Variants in CCDC192 observed in about 807,000 individuals in gnomAD.
CCDC192 encodes coiled-coil domain-containing protein 192.
intron 6 of CCDC192, among the ~76,000 whole-genome samples, chr5:127,891,650 A>G (rs1290352743): frequency 6.6e-6 from 1 of 152,156 alleles, no homozygotes; most frequent in African/African-American, 2.4e-5. Context: ...ACATGTTGGT[A>G]TTTCACATCT....
At chr5:127,772,022 G>A (rs367766433) in intron 3 of CCDC192, among the ~76,000 whole-genome samples, 3 of 152,252 alleles carry the variant, frequency 2.0e-5, no homozygotes, top group East Asian at 1.9e-4. Flanking sequence ...GCCTCAGTGC[G>A]CATTTCTTCC....
In CCDC192 at chr5:127,703,449, G is replaced by A; in HGVS notation, c.4G>A (p.Gly2Arg). The stretch of plus-strand genomic sequence containing the variant: ...ATCCCAGTGGGTCTGGCTTGAGATG[G>A]GACAATGCTATAGCAAGAAATCTGT... M[G>R]QCYSKKSVVP... is the part of the protein sequence containing the mutation. The change falls in exon 1 of 7, where the codon GGA (glycine) becomes AGA (arginine). Residue 2 changes from glycine (G) to arginine (R), a missense_variant. Transcript: ENST00000514853. The A allele has an allele frequency of 2.5e-6, 1 of 398,970 alleles. No individual in the cohort carries two copies. The highest frequency in any genetic ancestry group is 4.4e-6 in the Non-Finnish European group (1 of 226,064). The allele number at this position is 398,970 out of a possible 1,614,324, so 24.7% of individuals were successfully genotyped here. A position where few individuals can be genotyped will look rare whatever the true frequency, so the allele number is the denominator to read the frequency against.
At chr5:127,864,861 A>G (rs1751534298) in intron 5 of CCDC192, among the ~76,000 whole-genome samples, 1 of 152,212 alleles carries the variant, frequency 6.6e-6, no homozygotes, top group Non-Finnish European at 1.5e-5. Flanking sequence ...ATAACTATAT[A>G]TAATGGCTGG....
rs896877606 is a variant in CCDC192, at chr5:127,918,479, T to A, written c.536-22703T>A. The stretch of plus-strand genomic sequence containing the variant: ...GGACTGGTTTTTAGTCATTGTTTTA[T>A]CCCCAAGGCCTAACTTAGAGGCTTG... On this transcript the variant is annotated intron_variant, in intron 6 of 6. Transcript: ENST00000514853. 5.3e-5 allele frequency among the ~76,000 whole-genome samples: 8 copies of A among 152,144 alleles called. No homozygotes were observed. The East Asian group carries it at 1.3e-3, about 26-fold the overall frequency.
chr5:127,912,990 C>T (rs1261022842), intron 6 of CCDC192, among the ~76,000 whole-genome samples: 2 of 152,180 alleles, frequency 1.3e-5, no homozygotes, highest in Non-Finnish European at 2.9e-5. Context: ...AAAGCTTTTC[C>T]ATGCCCTATT....
intron 3 of CCDC192, among the ~76,000 whole-genome samples, chr5:127,759,142 C>G (rs1475850685): frequency 6.6e-6 from 1 of 152,172 alleles, no homozygotes; most frequent in Non-Finnish European, 1.5e-5. Context: ...TTTGTCTCCC[C>G]AGCTACAGTT....
intron 5 of CCDC192, among the ~76,000 whole-genome samples, chr5:127,810,646 G>A (rs945725649): frequency 3.3e-5 from 5 of 152,124 alleles, no homozygotes; most frequent in African/African-American, 1.2e-4. Flanking sequence ...ATCAAGCCCA[G>A]CACTCAATGG....
chr5:127,815,867 G>GA lies in CCDC192; in HGVS notation c.411+17715dup, dbSNP rs937759014. ...TGGGCAACAGAGCGAGACTCTGTCT[G>GA]AAAAAAAAAATAAAAATAAAAGAGA... On this transcript the variant is annotated intron_variant, in intron 5 of 6. Transcript: ENST00000514853. 8.7e-3 allele frequency among the ~76,000 whole-genome samples: 1,259 copies of GA among 143,958 alleles called. 13 individuals are homozygous for GA. The highest frequency in any genetic ancestry group is 0.028 in the African/African-American group (1,078 of 38,474). The allele number at this position is 143,958 out of a possible 152,430, so 94.4% of individuals were successfully genotyped here. A position where few individuals can be genotyped will look rare whatever the true frequency, so the allele number is the denominator to read the frequency against.
chr5:127,733,725 A>G (rs1237854733), intron 2 of CCDC192, among the ~76,000 whole-genome samples: 1 of 152,036 alleles, frequency 6.6e-6, no homozygotes, highest in Non-Finnish European at 1.5e-5. Context: ...AATCTGAGAT[A>G]TTACTTCTAA....
chr5:127,759,889 G>T (rs1335074926), intron 3 of CCDC192, among the ~76,000 whole-genome samples: 1 of 151,998 alleles, frequency 6.6e-6, no homozygotes, highest in Admixed American at 6.6e-5. Context: ...CTTTAACCTT[G>T]TCTTTCCTTT....
At chr5:127,704,369 G>T (rs1437500293) in intron 1 of CCDC192, among the ~76,000 whole-genome samples, 2 of 152,078 alleles carry the variant, frequency 1.3e-5, no homozygotes, top group Non-Finnish European at 2.9e-5. Flanking sequence ...TTGTATTTTT[G>T]TAGAGACAGG....
chr5:127,911,941 G>A (rs1487030357), intron 6 of CCDC192, among the ~76,000 whole-genome samples: 2 of 149,618 alleles, frequency 1.3e-5, no homozygotes, highest in African/African-American at 4.9e-5. Context: ...TTTTTTTTTC[G>A]GATGGAATTT....
At chr5:127,930,384 AATCTC>A (rs1753991198) in intron 6 of CCDC192, among the ~76,000 whole-genome samples, 1 of 152,110 alleles carries the variant, frequency 6.6e-6, no homozygotes, top group African/African-American at 2.4e-5. Flanking sequence ...CCATTCATTC[AATCTC>A]ATGGACTCTC....
intron 3 of CCDC192, among the ~76,000 whole-genome samples, chr5:127,775,733 T>C (rs968512549): frequency 1.3e-5 from 2 of 152,232 alleles, no homozygotes; most frequent in African/African-American, 4.8e-5. Context: ...CCACATGTTG[T>C]GGGAGGGACC....
intron 5 of CCDC192, among the ~76,000 whole-genome samples, chr5:127,847,844 A>C (rs558775147): frequency 3.3e-5 from 5 of 151,084 alleles, no homozygotes; most frequent in South Asian, 2.1e-4. Context: ...TAAATAAATA[A>C]ATAAATAAAT....
chr5:127,799,495 T>C lies in CCDC192; in HGVS notation c.411+1333T>C, dbSNP rs895197711. Among the ~76,000 whole-genome samples the C allele has an allele frequency of 8.5e-5, 13 of 152,314 alleles. 1 individual carries two copies. The highest frequency in any genetic ancestry group is 5.9e-4 in the Admixed American group (9 of 15,292). ...CTGGTCTCCCCCTGAGGGTGCCAGA[T>C]AATGACTATTGTCAGAGGATGTCCC... On this transcript the variant is annotated intron_variant, in intron 5 of 6. Coordinates refer to ENST00000514853, the MANE Select transcript of CCDC192 (RefSeq NM_001317938.2).
intron 5 of CCDC192, among the ~76,000 whole-genome samples, chr5:127,853,239 C>G (rs1158100836): frequency 6.6e-6 from 1 of 152,178 alleles, no homozygotes; most frequent in South Asian, 2.1e-4. Context: ...ACTATCTATG[C>G]CCCATATGCT....
chr5:127,772,193 G>A (rs1027190300), intron 3 of CCDC192, among the ~76,000 whole-genome samples: 1 of 152,156 alleles, frequency 6.6e-6, no homozygotes, highest in Admixed American at 6.6e-5. Context: ...AGGTGCAGTG[G>A]CTCACACCTG....
chr5:127,855,712 T>C (rs1397060913), intron 5 of CCDC192, among the ~76,000 whole-genome samples: 1 of 152,222 alleles, frequency 6.6e-6, no homozygotes. Context: ...ATCCATGTAC[T>C]GAAGAATGGA....
Sources: gnomAD v4.1 joint callset for allele counts (sites outside exome capture counted in the v4.1 genomes callset) on GRCh38, gnomAD v4.1.1 for gene constraint, MANE v1.5 for transcripts, NCBI Gene and HGNC (gene_info 2026-07-23, HGNC 2026-07-21) for gene names.